The following GPM6A variants were observed in gnomAD, a reference collection of about 807,000 sequenced individuals.
The protein encoded by GPM6A is neuronal membrane glycoprotein M6-a.
GPM6A carries 7 observed loss-of-function variants against 32.1 expected under a neutral mutation model. The observed-to-expected ratio is 0.22, with a 90% CI of 0.12 to 0.41. The LOEUF (loss-of-function observed/expected upper bound fraction) is 0.41. Ranked by LOEUF, GPM6A falls within the 10% of genes least tolerant of loss-of-function variation. The pLI is 1.00. For missense variants in GPM6A, 235 were observed against 347.2 expected, an observed-to-expected ratio of 0.68 and a Z score of 2.57; for synonymous variants, 130 against 123.4, an observed-to-expected ratio of 1.05 and a Z score of -0.35.
chr4:175,787,512 A>G, intron 1 of GPM6A: 1 of 1,454,798 alleles, frequency 6.9e-7, no homozygotes, highest in Non-Finnish European at 9.0e-7. Flanking sequence ...TTTTTGTTCC[A>G]CCTTTAGGTT....
chr4:175,848,639 A>C (rs966836201), intron 1 of GPM6A, among the ~76,000 whole-genome samples: 4 of 152,160 alleles, frequency 2.6e-5, no homozygotes, highest in Admixed American at 6.6e-5. Context: ...TTATAATTCC[A>C]TTTTGGTTTC....
intron 1 of GPM6A, among the ~76,000 whole-genome samples, chr4:175,724,369 A>G (rs1746294442): frequency 6.6e-6 from 1 of 152,090 alleles, no homozygotes; most frequent in Non-Finnish European, 1.5e-5. Context: ...ACATGGTGAA[A>G]CCCCGTCTCG....
chr4:175,699,299 T>C (rs906037829), intron 2 of GPM6A, among the ~76,000 whole-genome samples: 1 of 152,168 alleles, frequency 6.6e-6, no homozygotes. Flanking sequence ...CTTATAATCT[T>C]TAAAGGGTTG....
intron 1 of GPM6A, among the ~76,000 whole-genome samples, chr4:175,857,788 T>C (rs982852661): frequency 1.3e-5 from 2 of 152,116 alleles, no homozygotes; most frequent in African/African-American, 4.8e-5. Flanking sequence ...AAAGACTGAT[T>C]GTTTTCCACC....
At chr4:175,829,370 T>C (rs902014945) in intron 1 of GPM6A, among the ~76,000 whole-genome samples, 1 of 152,150 alleles carries the variant, frequency 6.6e-6, no homozygotes, top group Non-Finnish European at 1.5e-5. Context: ...TAGATTAAAT[T>C]ATATGATTAA....
intron 1 of GPM6A, among the ~76,000 whole-genome samples, chr4:175,874,844 CA>C (rs1737032070): frequency 6.6e-6 from 1 of 151,998 alleles, no homozygotes; most frequent in South Asian, 2.1e-4. Flanking sequence ...TTAATTAAGC[CA>C]AGGCCGTGGC....
chr4:175,808,013 T>C (rs1024094506), intron 1 of GPM6A, among the ~76,000 whole-genome samples: 7 of 152,220 alleles, frequency 4.6e-5, no homozygotes, highest in African/African-American at 1.7e-4. Context: ...CTTAGGCCAG[T>C]GTCTGGAACT....
intron 1 of GPM6A, among the ~76,000 whole-genome samples, chr4:175,728,653 T>C (rs1453136266): frequency 1.3e-5 from 2 of 152,214 alleles, no homozygotes; most frequent in Non-Finnish European, 2.9e-5. Context: ...ACTTCCCACC[T>C]ATCCCTTGAC....
intron 1 of GPM6A, among the ~76,000 whole-genome samples, chr4:175,974,662 A>G (rs1740606957): frequency 6.6e-6 from 1 of 151,106 alleles, no homozygotes. Flanking sequence ...TCTTCCAGAC[A>G]CCTCTCCTGG....
intron 1 of GPM6A, among the ~76,000 whole-genome samples, chr4:175,801,760 T>G (rs1734481190): frequency 6.6e-6 from 1 of 152,124 alleles, no homozygotes; most frequent in South Asian, 2.1e-4. Context: ...GCTTTTGCAT[T>G]ACTGCAGAAT....
chr4:175,851,975 C>A (rs1161009788), intron 1 of GPM6A, among the ~76,000 whole-genome samples: 1 of 152,050 alleles, frequency 6.6e-6, no homozygotes, highest in African/African-American at 2.4e-5. Flanking sequence ...AAGATGTTAG[C>A]CCCAGGAAGT....
rs568526961 is a variant in GPM6A, at chr4:175,758,997, A to G, written c.37+53194T>C. Among the ~76,000 whole-genome samples, 6 of 152,316 alleles carry G rather than the reference A, an allele frequency of 3.9e-5. 1 individual carries two copies. The South Asian group carries it at 1.2e-3, about 32-fold the overall frequency. On this transcript the variant is annotated intron_variant, in intron 1 of 6. Transcript: ENST00000393658. ...GAGACCTCAGCTGTTTTCAGTGTCT[A>G]GCATGCAGCACACAGTTATACTATT...
chr4:175,659,074 G>A (rs1392236331), intron 3 of GPM6A, among the ~76,000 whole-genome samples: 1 of 149,514 alleles, frequency 6.7e-6, no homozygotes, highest in African/African-American at 2.5e-5. Context: ...AATTGTTTTT[G>A]TTTTTGTTTT....
intron 1 of GPM6A, among the ~76,000 whole-genome samples, chr4:175,960,455 C>T (rs181975226): frequency 6.6e-6 from 1 of 152,166 alleles, no homozygotes; most frequent in Admixed American, 6.5e-5. Context: ...ATTTTAAGTT[C>T]TGGGACACTT....
chr4:175,878,027 T>G (rs895725350), intron 1 of GPM6A, among the ~76,000 whole-genome samples: 1 of 152,128 alleles, frequency 6.6e-6, no homozygotes, highest in Non-Finnish European at 1.5e-5. Context: ...AACAGGGCAG[T>G]CAAATATTAA....
intron 1 of GPM6A, among the ~76,000 whole-genome samples, chr4:175,730,616 G>A (rs1013566047): frequency 2.6e-4 from 39 of 152,058 alleles, no homozygotes; most frequent in African/African-American, 8.7e-4. Flanking sequence ...GACTACAGGC[G>A]CCCGCCACCA....
At chr4:175,859,858 G>A (rs1736521933) in intron 1 of GPM6A, among the ~76,000 whole-genome samples, 1 of 152,100 alleles carries the variant, frequency 6.6e-6, no homozygotes, top group African/African-American at 2.4e-5. Context: ...TGAGTAGTAT[G>A]TCAAGGGCTC....
intron 1 of GPM6A, among the ~76,000 whole-genome samples, chr4:175,925,705 G>C (rs1185826028): frequency 6.6e-6 from 1 of 152,076 alleles, no homozygotes; most frequent in Non-Finnish European, 1.5e-5. Context: ...AGATGAATTA[G>C]AATTCATAAC....
chr4:175,958,516 G>A (rs1460721990), intron 1 of GPM6A, among the ~76,000 whole-genome samples: 1 of 152,058 alleles, frequency 6.6e-6, no homozygotes, highest in Non-Finnish European at 1.5e-5. Context: ...TAACTGATAG[G>A]GTGACATGTA....
Sources: allele counts gnomAD v4.1 joint callset (sites outside exome capture counted in the v4.1 genomes callset), GRCh38; gene constraint gnomAD v4.1.1; transcripts MANE v1.5; gene names NCBI Gene and HGNC (gene_info 2026-07-23, HGNC 2026-07-21).